The following ZNF626 variants were observed in gnomAD, a reference collection of about 807,000 sequenced individuals.
ZNF626 encodes the protein zinc finger protein 626.
A neutral mutation model predicts 11.7 loss-of-function variants in ZNF626; 4 were observed. The observed-to-expected ratio is 0.34, with a 90% CI of 0.17 to 0.78. The LOEUF (loss-of-function observed/expected upper bound fraction) is 0.78, where lower values mean the gene tolerates loss of function less well. Ranked by LOEUF, ZNF626 falls within the 30% of genes least tolerant of loss-of-function variation. ZNF626 has a pLI of 0.57. For synonymous variants in ZNF626, 179 were observed against 198.6 expected (o/e 0.90, Z 0.83); for missense variants, 588 against 587.1 (o/e 1.00, Z -0.01).
intron 3 of ZNF626, among the ~76,000 whole-genome samples, chr19:20,639,457 A>G (rs556206282): frequency 3.9e-5 from 6 of 152,254 alleles, no homozygotes; most frequent in Admixed American, 2.0e-4. Flanking sequence ...AAAAATACTG[A>G]TTGGGTGAAA....
chr19:20,656,974 T>C (rs568460141), intron 1 of ZNF626, among the ~76,000 whole-genome samples: 1 of 152,290 alleles, frequency 6.6e-6, no homozygotes, highest in East Asian at 1.9e-4. Flanking sequence ...TAAATTATTA[T>C]ATTATAAAGA....
At chr19:20,649,640 G>A (rs1970123896) in intron 1 of ZNF626, among the ~76,000 whole-genome samples, 1 of 152,192 alleles carries the variant, frequency 6.6e-6, no homozygotes, top group South Asian at 2.1e-4. Flanking sequence ...AATTGGCCAT[G>A]TGATTCTAAT....
rs1969784220 is a variant in ZNF626 at position 20,623,787 on chromosome 19, T to G, written c.*503A>C. The G allele has an allele frequency of 1.3e-5, 3 of 231,258 alleles. No individual in the cohort carries two copies. The Admixed American group carries it at 1.9e-4, about 14-fold the overall frequency. 14.3% of individuals were successfully genotyped at this position (231,258 alleles called of 1,614,324 possible). A position where few individuals can be genotyped will look rare whatever the true frequency, so the allele number is the denominator to read the frequency against. On this transcript the variant is annotated 3_prime_UTR_variant, in exon 4 of 4. Transcript: ENST00000601440. ...GCACACCAGACTGGGTGACAAGAGT[T>G]GAAACTCCATCTCAAAAAAAAAAAA...
chr19:20,638,387 T>C (rs575993010), intron 3 of ZNF626, among the ~76,000 whole-genome samples: 56 of 151,352 alleles, frequency 3.7e-4, no homozygotes, highest in Non-Finnish European at 1.8e-4. Flanking sequence ...ATTGCACCAC[T>C]GCACTGCAGC....
chr19:20,621,602 T>C lies in ZNF626; in HGVS notation c.*2688A>G, dbSNP rs1969758875. ...TTTACCCTAATGTAATTACTACATA[T>C]TGTATGCCTGAATCAAAATATTCTC... On this transcript the variant is annotated 3_prime_UTR_variant, in exon 4 of 4. Coordinates refer to ENST00000601440, the MANE Select transcript of ZNF626 (RefSeq NM_001076675.3). 1 of 152,188 alleles carries C rather than the reference T, an allele frequency of 6.6e-6. No homozygotes were observed. The highest frequency in any genetic ancestry group is 1.5e-5 in the Non-Finnish European group (1 of 68,024). 9.4% of individuals were successfully genotyped at this position (152,188 alleles called of 1,614,324 possible).
chr19:20,637,617 T>C (rs912243751), intron 3 of ZNF626, among the ~76,000 whole-genome samples: 6 of 152,200 alleles, frequency 3.9e-5, no homozygotes, highest in African/African-American at 1.4e-4. Flanking sequence ...TTAAAACATA[T>C]TGTTTTAACT....
At chr19:20,638,462 T>C (rs1227539382) in intron 3 of ZNF626, among the ~76,000 whole-genome samples, 1 of 149,968 alleles carries the variant, frequency 6.7e-6, no homozygotes, top group Non-Finnish European at 1.5e-5. Flanking sequence ...AATAAAATTA[T>C]ATAGAGAAAA....
At chr19:20,638,744 GTA>G (rs1463371116) in intron 3 of ZNF626, among the ~76,000 whole-genome samples, 2 of 151,862 alleles carry the variant, frequency 1.3e-5, no homozygotes, top group African/African-American at 4.8e-5. Flanking sequence ...CTTTCTATAT[GTA>G]TATGTGTATA....
chr19:20,623,933 T>G lies in ZNF626; in HGVS notation c.*357A>C. Reference sequence around the variant, plus strand: ...CTTAAAAAATCTGTCACATTCTTTATATTTGTAGAGTTTATATTTCATATC... The same window carrying G: ...CTTAAAAAATCTGTCACATTCTTTAGATTTGTAGAGTTTATATTTCATATC... On this transcript the variant is annotated 3_prime_UTR_variant, in exon 4 of 4. Transcript: ENST00000601440. 2.6e-6 allele frequency: 1 copy of G among 388,844 alleles called. No individual in the cohort carries two copies. The highest frequency in any genetic ancestry group is 4.9e-6 in the Non-Finnish European group (1 of 206,092). The allele number at this position is 388,844 out of a possible 1,614,324, so 24.1% of individuals were successfully genotyped here.
chr19:20,624,399 G>A lies in ZNF626; in HGVS notation c.1478C>T (p.Ser493Phe). 2 of 741,742 alleles carry A rather than the reference G, an allele frequency of 2.7e-6. 1 individual carries two copies. Among genetic ancestry groups the A allele is most frequent in the Non-Finnish European group, 4.3e-6 (2 of 463,554 alleles). 45.9% of individuals were successfully genotyped at this position (741,742 alleles called of 1,614,324 possible). A position where few individuals can be genotyped will look rare whatever the true frequency, so the allele number is the denominator to read the frequency against. ...CEECGKAFNQSSILTTHERII... is the reference protein window; with the variant it reads ...CEECGKAFNQFSILTTHERII... ...TCTCTCATGTGTAGTAAGGATTGAGGACTGGTTGAAGGCTTTGCCACATTC... is the reference window on the plus strand; with the variant it reads ...TCTCTCATGTGTAGTAAGGATTGAGAACTGGTTGAAGGCTTTGCCACATTC... The change falls in exon 4 of 4, where the codon TCC becomes TTC. Residue 493 changes from serine (S) to phenylalanine (F), a missense_variant. By Grantham distance (155) the Ser-to-Phe change is radical. Around this residue, in one of 4 missense-constraint regions of ZNF626, gnomAD observed 43 missense variants for 38.0 expected, o/e 1.13. Transcript: ENST00000601440.
chr19:20,645,682 A>G lies in ZNF626; in HGVS notation c.226+2T>C, dbSNP rs1157054275. The G allele has an allele frequency of 1.2e-6, 2 of 1,608,746 alleles. No individual in the cohort carries two copies. The highest frequency in any genetic ancestry group is 1.7e-6 in the Non-Finnish European group (2 of 1,178,794). On this transcript the variant is annotated splice_donor_variant, in intron 3 of 3. Transcript: ENST00000601440. LOFTEE classifies it high-confidence loss of function. ...GTTGTATTCATTTTCACTCACACCT[A>G]CCTGAGGGTTTGGCTATCATCTCAT...
chr19:20,631,943 T>C (rs1449533634), intron 3 of ZNF626, among the ~76,000 whole-genome samples: 3 of 151,944 alleles, frequency 2.0e-5, no homozygotes, highest in Non-Finnish European at 2.9e-5. Flanking sequence ...CTCCTTTCCA[T>C]GTTTAGTGCT....
At chr19:20,634,836 T>C (rs189768295) in intron 3 of ZNF626, among the ~76,000 whole-genome samples, 3 of 152,320 alleles carry the variant, frequency 2.0e-5, no homozygotes, top group South Asian at 4.1e-4. Flanking sequence ...GTTGGAGGCA[T>C]TACAATTTCT....
In ZNF626 at chr19:20,625,554, T is replaced by A. The variant is rs1969819340; in HGVS notation, c.323A>T (p.His108Leu). ...TCCTTTTTTTAACTGTAAATTGTCA[T>A]GTTCACATTTTTCATATCTTCTCAG... ...VVLRRYEKCEHDNLQLKKGCI... is the reference protein window; with the variant it reads ...VVLRRYEKCELDNLQLKKGCI... The change falls in exon 4 of 4, where the codon CAT (histidine) becomes CTT (leucine). Residue 108 changes from histidine to leucine, a missense_variant. His to Leu is a moderately conservative substitution (Grantham distance 99). This residue lies in a region of ZNF626 where 524 missense variants were observed against 470.1 expected (regional missense o/e 1.11). Coordinates refer to ENST00000601440, the MANE Select transcript of ZNF626 (RefSeq NM_001076675.3). The A allele has an allele frequency of 1.2e-6, 2 of 1,612,954 alleles. No individual in the cohort carries two copies. The highest frequency in any genetic ancestry group is 2.2e-5 in the South Asian group (2 of 90,754).
intron 1 of ZNF626, among the ~76,000 whole-genome samples, chr19:20,657,639 C>CT (rs1193357993): frequency 6.6e-6 from 1 of 151,974 alleles, no homozygotes; most frequent in Non-Finnish European, 1.5e-5. Context: ...AAACCCCTCT[C>CT]TACTAAAAAT....
chr19:20,647,840 T>C (rs1169574568), intron 1 of ZNF626, among the ~76,000 whole-genome samples: 2 of 152,034 alleles, frequency 1.3e-5, no homozygotes, highest in East Asian at 1.9e-4. Context: ...GCATCACTGT[T>C]GTAATATTCC....
intron 1 of ZNF626, among the ~76,000 whole-genome samples, chr19:20,658,843 A>G (rs1424862786): frequency 3.9e-5 from 6 of 152,086 alleles, no homozygotes; most frequent in Non-Finnish European, 7.4e-5. Context: ...AGGCCCATCT[A>G]TGCTTCTGAG....
At chr19:20,631,346 G>A (rs566334405) in intron 3 of ZNF626, among the ~76,000 whole-genome samples, 13 of 152,188 alleles carry the variant, frequency 8.5e-5, no homozygotes, top group African/African-American at 3.1e-4. Context: ...TTTCTGTCTC[G>A]TTGATCTGTC....
intron 1 of ZNF626, among the ~76,000 whole-genome samples, chr19:20,651,923 A>T (rs1555772619): frequency 1.3e-5 from 2 of 152,098 alleles, no homozygotes; most frequent in Non-Finnish European, 2.9e-5. Context: ...CACTCTTAAG[A>T]TGCTTTTTTT....
Sources: allele counts gnomAD v4.1 joint callset (sites outside exome capture counted in the v4.1 genomes callset), GRCh38; gene constraint gnomAD v4.1.1; regional missense constraint gnomAD v4.1.1; transcripts MANE v1.5; gene names NCBI Gene and HGNC (gene_info 2026-07-23, HGNC 2026-07-21).